CTNNA2: variants seen among roughly 807,000 people sequenced by gnomAD.
CTNNA2 encodes the protein catenin alpha-2.
In CTNNA2, 42 loss-of-function variants were observed where a neutral mutation model predicts 101.0. The observed-to-expected ratio is 0.42, with a 90% CI of 0.32 to 0.54. The LOEUF is 0.54. CTNNA2 is among the 20% of genes least tolerant of loss of function. CTNNA2 has a pLI of 0.14. For missense variants in CTNNA2, 871 were observed against 1,223.1 expected (o/e 0.71, Z 4.29); for synonymous variants, 450 against 456.4 (o/e 0.99, Z 0.18).
intron 7 of CTNNA2, among the ~76,000 whole-genome samples, chr2:80,166,754 A>T (rs1360034025): frequency 2.6e-5 from 4 of 151,918 alleles, no homozygotes; most frequent in Admixed American, 2.0e-4. Flanking sequence ...TGAGCCCTTT[A>T]CTTGTGGGAT....
At chr2:80,591,094 T>C (rs768600694) in intron 15 of CTNNA2, among the ~76,000 whole-genome samples, 43 of 152,184 alleles carry the variant, frequency 2.8e-4, no homozygotes, top group Non-Finnish European at 7.3e-5. Flanking sequence ...GAGCACATTT[T>C]ATAATTCTCT....
At chr2:80,622,678 G>T (rs1355961166) in intron 18 of CTNNA2, among the ~76,000 whole-genome samples, 1 of 151,866 alleles carries the variant, frequency 6.6e-6, no homozygotes, top group Non-Finnish European at 1.5e-5. Flanking sequence ...CCTCTCTGTT[G>T]CTGTAGACTT....
chr2:80,000,277 A>G (rs948357164), intron 7 of CTNNA2, among the ~76,000 whole-genome samples: 6 of 152,206 alleles, frequency 3.9e-5, no homozygotes, highest in African/African-American at 1.4e-4. Flanking sequence ...TTAGAGAGAC[A>G]CGACTATAAC....
intron 9 of CTNNA2, among the ~76,000 whole-genome samples, chr2:80,528,487 T>C (rs1220662676): frequency 6.6e-5 from 10 of 152,242 alleles, no homozygotes; most frequent in Admixed American, 5.9e-4. Context: ...TGAGCCACCG[T>C]GCCCAGCCCT....
intron 2 of CTNNA2, among the ~76,000 whole-genome samples, chr2:79,290,746 C>T (rs1198774003): frequency 1.3e-5 from 2 of 152,172 alleles, no homozygotes; most frequent in East Asian, 3.9e-4. Flanking sequence ...CACTCCATCT[C>T]CCTTCCGGCT....
intron 4 of CTNNA2, among the ~76,000 whole-genome samples, chr2:79,419,097 A>G (rs1342943689): frequency 1.3e-5 from 2 of 152,138 alleles, no homozygotes; most frequent in African/African-American, 4.8e-5. Flanking sequence ...CATTATAGAA[A>G]CACTCTATGA....
At chr2:79,914,368 A>G (rs965803218) in intron 7 of CTNNA2, among the ~76,000 whole-genome samples, 16 of 152,254 alleles carry the variant, frequency 1.1e-4, no homozygotes, top group African/African-American at 3.9e-4. Flanking sequence ...ACTGTAATGC[A>G]GAACTGTAAG....
intron 9 of CTNNA2, among the ~76,000 whole-genome samples, chr2:80,487,048 G>A (rs936062435): frequency 1.3e-5 from 2 of 152,092 alleles, no homozygotes; most frequent in African/African-American, 4.8e-5. Flanking sequence ...CACTTTGGGA[G>A]GTCGAGGCGG....
intron 8 of CTNNA2, among the ~76,000 whole-genome samples, chr2:80,417,036 A>C (rs1680103763): frequency 6.6e-6 from 1 of 151,958 alleles, no homozygotes; most frequent in African/African-American, 2.4e-5. Context: ...TTTTCTTTAG[A>C]ATTCAGTCAT....
chr2:80,086,236 T>C (rs1238889097), intron 7 of CTNNA2, among the ~76,000 whole-genome samples: 1 of 152,090 alleles, frequency 6.6e-6, no homozygotes, highest in Non-Finnish European at 1.5e-5. Flanking sequence ...AGGACAAGTA[T>C]TTCCTAGGTT....
At chr2:79,773,249 G>T (rs528766753) in intron 3 of CTNNA2, among the ~76,000 whole-genome samples, 1 of 152,298 alleles carries the variant, frequency 6.6e-6, no homozygotes, top group African/African-American at 2.4e-5. Flanking sequence ...TGTCAATCAA[G>T]AAAAATGACG....
chr2:80,518,675 C>T lies in CTNNA2; in HGVS notation c.1291-26307C>T, dbSNP rs985941775. The stretch of plus-strand genomic sequence containing the variant: ...ATGTTGTATATACCATAAAAACACA[C>T]TTAATGTGTTTTTTGCTACTAGATT... On this transcript the variant is annotated intron_variant, in intron 9 of 18. Transcript: ENST00000402739. Among the ~76,000 whole-genome samples, 3 of 152,026 alleles carry T rather than the reference C, an allele frequency of 2.0e-5. No homozygotes were observed. The East Asian group carries it at 5.8e-4, about 29-fold the overall frequency.
At chr2:79,704,233 C>G (rs1685197162) in intron 2 of CTNNA2, among the ~76,000 whole-genome samples, 1 of 152,100 alleles carries the variant, frequency 6.6e-6, no homozygotes, top group Admixed American at 6.5e-5. Flanking sequence ...AGGTTTATTG[C>G]CTAGTGAATC....
At chr2:79,725,899 C>G (rs529343592) in intron 2 of CTNNA2, among the ~76,000 whole-genome samples, 1 of 152,308 alleles carries the variant, frequency 6.6e-6, no homozygotes, top group Non-Finnish European at 1.5e-5. Context: ...TGAGAGTCCA[C>G]TGATCTTACT....
At chr2:79,296,528 C>T (rs968370277) in intron 2 of CTNNA2, among the ~76,000 whole-genome samples, 16 of 152,226 alleles carry the variant, frequency 1.1e-4, no homozygotes, top group Admixed American at 5.2e-4. Flanking sequence ...TTATTTACTA[C>T]ACTTATTATG....
At position 79,744,450 on chromosome 2, in the gene CTNNA2, A is replaced by C; in HGVS notation, c.166A>C (p.Lys56Gln). 1 of 1,614,124 alleles carries C rather than the reference A, an allele frequency of 6.2e-7. No homozygotes were observed. Among genetic ancestry groups the C allele is most frequent in the Non-Finnish European group, 8.5e-7 (1 of 1,179,976 alleles). ...PSGKKKGRSK[K>Q]AHVLAASVEQ... Reference sequence around the variant, plus strand: ...TGGTAAAAAGAAAGGGAGGTCAAAGAAAGCCCATGTACTAGCTGCCTCTGT... The same window carrying C: ...TGGTAAAAAGAAAGGGAGGTCAAAGCAAGCCCATGTACTAGCTGCCTCTGT... Residue 56 changes from lysine to glutamine, a missense_variant, in exon 3 of 19, where the codon AAA becomes CAA. Lys to Gln is a moderately conservative substitution (Grantham distance 53, BLOSUM62 1). Transcript: ENST00000402739.
At chr2:80,175,041 A>G (rs1705306708) in intron 7 of CTNNA2, among the ~76,000 whole-genome samples, 1 of 152,100 alleles carries the variant, frequency 6.6e-6, no homozygotes, top group Admixed American at 6.6e-5. Context: ...ATGACTTTCA[A>G]AGTCCTGCAT....
At chr2:79,552,451 C>T (rs1674169479) in intron 1 of CTNNA2, among the ~76,000 whole-genome samples, 1 of 152,126 alleles carries the variant, frequency 6.6e-6, no homozygotes, top group African/African-American at 2.4e-5. Context: ...ATTCTGGAGT[C>T]TGGAGCATGG....
chr2:79,288,286 T>C (rs983653037), intron 2 of CTNNA2, among the ~76,000 whole-genome samples: 12 of 152,198 alleles, frequency 7.9e-5, no homozygotes, highest in African/African-American at 2.9e-4. Context: ...ACTTTTATCT[T>C]TTTGGTCTTT....
Sources: allele counts gnomAD v4.1 joint callset (sites outside exome capture counted in the v4.1 genomes callset), GRCh38; gene constraint gnomAD v4.1.1; transcripts MANE v1.5; gene names NCBI Gene and HGNC (gene_info 2026-07-23, HGNC 2026-07-21).